The following CACNA1C variants were observed in gnomAD, a reference collection of about 807,000 sequenced individuals.
CACNA1C encodes calcium voltage-gated channel subunit alpha1 C.
A neutral mutation model predicts 229.0 loss-of-function variants in CACNA1C; 30 were observed. That is an observed-to-expected ratio of 0.13 (90% CI 0.10 to 0.18). CACNA1C has a LOEUF of 0.18. Ranked by LOEUF, CACNA1C falls within the 10% of genes least tolerant of loss-of-function variation. The pLI is 1.00. For missense variants in CACNA1C, 1,658 were observed against 2,845.0 expected (o/e 0.58, Z 9.49); for synonymous variants, 1,114 against 1,132.5 (o/e 0.98, Z 0.33).
intron 3 of CACNA1C, among the ~76,000 whole-genome samples, chr12:2,435,634 A>G (rs1443148360): frequency 6.6e-6 from 1 of 152,168 alleles, no homozygotes; most frequent in African/African-American, 2.4e-5. Flanking sequence ...GAGAGGTGAA[A>G]GCATGTTGTC....
At chr12:1,986,394 G>A (rs1304498821) in intron 1 of CACNA1C, among the ~76,000 whole-genome samples, 1 of 152,034 alleles carries the variant, frequency 6.6e-6, no homozygotes, top group Admixed American at 6.5e-5. Flanking sequence ...TTTATCTCAG[G>A]GTTTTAGACT....
chr12:2,570,318 A>C (rs1020514493), intron 13 of CACNA1C, among the ~76,000 whole-genome samples: 5 of 152,148 alleles, frequency 3.3e-5, no homozygotes, highest in Non-Finnish European at 7.4e-5. Context: ...TCTTGCTCAG[A>C]GCGTGTTTCT....
rs2302728 is a variant in CACNA1C, at chr12:2,665,502, C to T, written c.4399-79C>T. On this transcript the variant is annotated intron_variant, in intron 35 of 46. Transcript: ENST00000399655. The surrounding 1 kb of genome is among the most constrained non-coding windows in gnomAD (Gnocchi z 5.9). ...AATGTTGGCTTCTGCCATCAGTAGGCCCCAGCTGGCAAGGGGGTTCCAGAG... is the reference window on the plus strand; with the variant it reads ...AATGTTGGCTTCTGCCATCAGTAGGTCCCAGCTGGCAAGGGGGTTCCAGAG... 1.3e-6 allele frequency: 2 copies of T among 1,520,056 alleles called. No individual in the cohort carries two copies. Among genetic ancestry groups the T allele is most frequent in the South Asian group, 1.2e-5 (1 of 86,658 alleles). The allele number at this position is 1,520,056 out of a possible 1,614,324, so 94.2% of individuals were successfully genotyped here.
chr12:2,616,524 CTT>C (rs141464703), intron 29 of CACNA1C, among the ~76,000 whole-genome samples: 3,575 of 152,340 alleles, frequency 0.023, 112 homozygotes, highest in African/African-American at 0.076. Flanking sequence ...CCTGCAGACT[CTT>C]TCCCACCCAG....
chr12:2,451,532 G>C (rs2099369441), intron 4 of CACNA1C, among the ~76,000 whole-genome samples: 1 of 152,176 alleles, frequency 6.6e-6, no homozygotes, highest in South Asian at 2.1e-4. Flanking sequence ...CATGAGTCGG[G>C]GGAGCAGAGA....
At chr12:1,994,208 C>T (rs948197154) in intron 1 of CACNA1C, among the ~76,000 whole-genome samples, 14 of 152,280 alleles carry the variant, frequency 9.2e-5, no homozygotes, top group Admixed American at 6.5e-4. Context: ...GCGCAACTTC[C>T]GGTGACAAAT....
intron 9 of CACNA1C, among the ~76,000 whole-genome samples, chr12:2,541,889 A>G (rs2099871329): frequency 1.3e-5 from 2 of 152,038 alleles, no homozygotes; most frequent in Non-Finnish European, 2.9e-5. Context: ...TCATTCTCTC[A>G]TGTGGAGCTT....
At chr12:2,387,703 G>A (rs1048542390) in intron 3 of CACNA1C, among the ~76,000 whole-genome samples, 1 of 152,194 alleles carries the variant, frequency 6.6e-6, no homozygotes, top group Non-Finnish European at 1.5e-5. Flanking sequence ...AGAGGAAGGT[G>A]GAAAGCTGTT....
rs527267075 is a variant in CACNA1C, at chr12:2,542,606, A to G, written c.1391-7337A>G. Among the ~76,000 whole-genome samples, 12 of 152,342 alleles carry G rather than the reference A, an allele frequency of 7.9e-5. No homozygotes were observed. The East Asian group carries it at 2.1e-3, about 27-fold the overall frequency. ...CCCAAACACCAAGGAAGGGCAATCT[A>G]CACAATGGCTTAGCTCTAGCACTCC... is the stretch of plus-strand genomic sequence containing the variant. On this transcript the variant is annotated intron_variant, in intron 9 of 46. Transcript: ENST00000399655.
At chr12:2,565,308 A>G (rs1038651255) in intron 11 of CACNA1C, among the ~76,000 whole-genome samples, 1 of 151,678 alleles carries the variant, frequency 6.6e-6, no homozygotes, top group African/African-American at 2.4e-5. Flanking sequence ...TCTACTAAAA[A>G]TACAAAAAAT....
intron 29 of CACNA1C, among the ~76,000 whole-genome samples, chr12:2,626,413 C>A (rs535698493): frequency 6.2e-4 from 95 of 152,264 alleles, no homozygotes; most frequent in Admixed American, 1.0e-3. Flanking sequence ...GGCAGGCAGG[C>A]GGTTTTGAAG....
intron 1 of CACNA1C, among the ~76,000 whole-genome samples, chr12:2,071,555 CT>C (rs1174937139): frequency 1.3e-5 from 2 of 152,094 alleles, no homozygotes; most frequent in Non-Finnish European, 2.9e-5. Context: ...TATCTCTCCC[CT>C]AGTCACTCTA....
chr12:2,502,337 A>G (rs2099762449), intron 7 of CACNA1C, among the ~76,000 whole-genome samples: 1 of 152,248 alleles, frequency 6.6e-6, no homozygotes, highest in Non-Finnish European at 1.5e-5. Context: ...ACCCGTGAAC[A>G]AAGCAGGCCA....
At chr12:2,100,593 A>G (rs2076004800) in intron 1 of CACNA1C, among the ~76,000 whole-genome samples, 1 of 149,096 alleles carries the variant, frequency 6.7e-6, no homozygotes, top group Non-Finnish European at 1.5e-5. Context: ...AAAAAAAAAA[A>G]AAAAAAAAAA....
intron 5 of CACNA1C, among the ~76,000 whole-genome samples, chr12:2,461,028 T>C (rs2099497823): frequency 6.6e-6 from 1 of 152,206 alleles, no homozygotes; most frequent in East Asian, 1.9e-4. Context: ...GTCTTCTACT[T>C]CTCATAGCCA....
rs1009498051 is a variant in CACNA1C at position 2,335,980 on chromosome 12, T to C, written c.478-112996T>C. ...TGGAAAAAGCTATAAAATTTTAATATAGGGAGACCTCAAAGCCTTGAAAGG... is the reference window on the plus strand; with the variant it reads ...TGGAAAAAGCTATAAAATTTTAATACAGGGAGACCTCAAAGCCTTGAAAGG... On this transcript the variant is annotated intron_variant, in intron 3 of 46. Coordinates refer to ENST00000399655, the MANE Select transcript of CACNA1C (RefSeq NM_000719.7). Among the ~76,000 whole-genome samples the C allele has an allele frequency of 1.0e-4, 14 of 136,430 alleles. 1 individual carries two copies. 89.5% of individuals were successfully genotyped at this position (136,430 alleles called of 152,430 possible).
intron 3 of CACNA1C, among the ~76,000 whole-genome samples, chr12:2,434,790 TCTCA>T (rs1445210736): frequency 6.6e-6 from 1 of 152,212 alleles, no homozygotes; most frequent in Non-Finnish European, 1.5e-5. Context: ...CGTAACATTT[TCTCA>T]CTCTGTCTTT....
Position 2,483,103 on chromosome 12 carries a change from A to G in CACNA1C, c.758-3001A>G, listed in dbSNP as rs903484134. 4.6e-5 allele frequency among the ~76,000 whole-genome samples: 7 copies of G among 152,226 alleles called. No individual in the cohort carries two copies. The East Asian group carries it at 9.6e-4, about 21-fold the overall frequency. ...TGAGACACAAAGATAAGAAGATGTG[A>G]TGAGACTCAAGGAGCTCTCAGCGAG... On this transcript the variant is annotated intron_variant, in intron 5 of 46. Transcript: ENST00000399655.
chr12:2,360,768 T>C (rs1471653302), intron 3 of CACNA1C, among the ~76,000 whole-genome samples: 6 of 150,562 alleles, frequency 4.0e-5, no homozygotes, highest in Non-Finnish European at 5.9e-5. Context: ...TTTGAAGAAT[T>C]GCAATGCTCG....
Sources: allele counts gnomAD v4.1 joint callset (sites outside exome capture counted in the v4.1 genomes callset), GRCh38; gene constraint gnomAD v4.1.1; non-coding constraint Gnocchi (gnomAD v3.1); transcripts MANE v1.5; gene names NCBI Gene and HGNC (gene_info 2026-07-23, HGNC 2026-07-21).